Variants in SLC24A2 observed in about 807,000 individuals in gnomAD.
SLC24A2 encodes the protein solute carrier family 24 member 2.
SLC24A2 carries 36 observed loss-of-function variants against 62.0 expected under a neutral mutation model. The observed-to-expected ratio is 0.58, with a 90% CI of 0.44 to 0.77. The LOEUF is 0.77. SLC24A2 is among the 30% of genes least tolerant of loss of function. SLC24A2 has a pLI of 0.00. For missense variants in SLC24A2, 846 were observed against 817.9 expected, an observed-to-expected ratio of 1.03 and a Z score of -0.42; for synonymous variants, 358 against 294.0, an observed-to-expected ratio of 1.22 and a Z score of -2.23.
intron 4 of SLC24A2, among the ~76,000 whole-genome samples, chr9:19,614,773 G>T (rs964776804): frequency 6.6e-6 from 1 of 151,944 alleles, no homozygotes; most frequent in African/African-American, 2.4e-5. Context: ...GAGACCACAG[G>T]GGGAATCAGG....
the SLC24A2 span, among the ~76,000 whole-genome samples, chr9:20,249,432 G>A: frequency 9.2e-5 from 14 of 152,130 alleles, no homozygotes; most frequent in East Asian, 5.8e-4. Flanking sequence ...TGGGCCCAGC[G>A]CAGTGGGTCA....
At chr9:19,553,817 C>T (rs1186541962) in intron 7 of SLC24A2, among the ~76,000 whole-genome samples, 2 of 152,200 alleles carry the variant, frequency 1.3e-5, no homozygotes, top group African/African-American at 2.4e-5. Flanking sequence ...ACAGAAGATT[C>T]CAAAGAATTA....
chr9:19,716,637 T>C (rs373818293), intron 2 of SLC24A2, among the ~76,000 whole-genome samples: 2 of 152,210 alleles, frequency 1.3e-5, no homozygotes, highest in African/African-American at 4.8e-5. Context: ...AAGAGACTGC[T>C]GAGACCTAGA....
In SLC24A2 at chr9:19,513,188, A is replaced by ATATATATATATATATG. The variant is rs1231507740; in HGVS notation, c.*2964_*2965insCATATATATATATATA. On this transcript the variant is annotated 3_prime_UTR_variant, in exon 11 of 11. Coordinates refer to ENST00000341998, the MANE Select transcript of SLC24A2 (RefSeq NM_020344.4). Reference sequence around the variant, plus strand: ...TATATATATATATGTATATATATATATATGTATATATTTATATATGTATAT... The same window carrying ATATATATATATATATG: ...TATATATATATATGTATATATATATATATATATATATATATGTATGTATATATTTATATATGTATAT... The ATATATATATATATATG allele has an allele frequency of 4.7e-4, 66 of 140,364 alleles. No individual in the cohort carries two copies. Among genetic ancestry groups the ATATATATATATATATG allele is most frequent in the Non-Finnish European group, 8.4e-4 (55 of 65,732 alleles). 8.7% of individuals were successfully genotyped at this position (140,364 alleles called of 1,614,324 possible).
the SLC24A2 span, among the ~76,000 whole-genome samples, chr9:20,050,541 G>T: frequency 6.6e-6 from 1 of 152,176 alleles, no homozygotes; most frequent in African/African-American, 2.4e-5. Flanking sequence ...GAGACCTCAT[G>T]CTTATTATAT....
At chr9:20,164,947 A>C in the SLC24A2 span, among the ~76,000 whole-genome samples, 2 of 137,790 alleles carry the variant, frequency 1.5e-5, no homozygotes, top group African/African-American at 5.5e-5. Context: ...GAACACATGG[A>C]CACAGGAAGG....
At chr9:20,306,398 G>T in the SLC24A2 span, among the ~76,000 whole-genome samples, 2 of 152,246 alleles carry the variant, frequency 1.3e-5, no homozygotes, top group East Asian at 3.8e-4. Context: ...ACAGGCAAAT[G>T]TAAGATGCTG....
At position 19,670,261 on chromosome 9, in the gene SLC24A2, G is replaced by T. The variant is rs1819377352; in HGVS notation, c.931-47962C>A. Among the ~76,000 whole-genome samples the T allele has an allele frequency of 3.3e-5, 5 of 152,122 alleles. No homozygotes were observed. In the South Asian group the frequency reaches 1.0e-3, roughly 32 times the overall value. On this transcript the variant is annotated intron_variant, in intron 2 of 10. Coordinates refer to ENST00000341998, the MANE Select transcript of SLC24A2 (RefSeq NM_020344.4). Reference sequence around the variant, plus strand: ...ATGGGGAGACATGTTATCTCATCTAGCCTGGGTTATTCCTTATTAAGTTTT... The same window carrying T: ...ATGGGGAGACATGTTATCTCATCTATCCTGGGTTATTCCTTATTAAGTTTT...
Position 19,516,059 on chromosome 9 carries a change from G to T in SLC24A2, c.*94C>A, listed in dbSNP as rs993206833. On this transcript the variant is annotated 3_prime_UTR_variant, in exon 11 of 11. Coordinates refer to ENST00000341998, the MANE Select transcript of SLC24A2 (RefSeq NM_020344.4). ...AGGGACACTTGGCACCCAGGGCTGT[G>T]TGCCAGCTGCCTCTTCTCAAGAGGT... 12 of 1,501,748 alleles carry T rather than the reference G, an allele frequency of 8.0e-6. No individual in the cohort carries two copies. Among genetic ancestry groups the T allele is most frequent in the Non-Finnish European group, 1.0e-5 (11 of 1,079,260 alleles). The allele number at this position is 1,501,748 out of a possible 1,614,324, so 93.0% of individuals were successfully genotyped here. A position where few individuals can be genotyped will look rare whatever the true frequency, so the allele number is the denominator to read the frequency against.
chr9:19,548,817 A>G (rs1355067990), intron 8 of SLC24A2, among the ~76,000 whole-genome samples: 1 of 152,246 alleles, frequency 6.6e-6, no homozygotes, highest in East Asian at 1.9e-4. Flanking sequence ...GCCAAGGGCC[A>G]GCCCTGGGAT....
chr9:19,685,042 G>A (rs973224619), intron 2 of SLC24A2, among the ~76,000 whole-genome samples: 9 of 152,052 alleles, frequency 5.9e-5, no homozygotes, highest in African/African-American at 2.2e-4. Context: ...TAGCATTTCT[G>A]TATAAGTACT....
At chr9:19,680,461 C>T (rs1819687426) in intron 2 of SLC24A2, among the ~76,000 whole-genome samples, 1 of 152,064 alleles carries the variant, frequency 6.6e-6, no homozygotes, top group Non-Finnish European at 1.5e-5. Flanking sequence ...TTTGGGTCTG[C>T]CACAGCTCCT....
At chr9:20,228,504 G>A in the SLC24A2 span, among the ~76,000 whole-genome samples, 1 of 151,964 alleles carries the variant, frequency 6.6e-6, no homozygotes, top group Non-Finnish European at 1.5e-5. Context: ...CAACAAATAT[G>A]AAGATGGAAA....
At chr9:19,826,243 G>C in the SLC24A2 span, among the ~76,000 whole-genome samples, 8 of 146,074 alleles carry the variant, frequency 5.5e-5, no homozygotes, top group South Asian at 1.8e-3. Context: ...TTCATTAAAA[G>C]AAGAAAAGAT....
At chr9:19,883,531 G>A in the SLC24A2 span, among the ~76,000 whole-genome samples, 1 of 151,644 alleles carries the variant, frequency 6.6e-6, no homozygotes, top group Admixed American at 6.6e-5. Flanking sequence ...CATTTTGGGG[G>A]CTCAGTCTCC....
intron 8 of SLC24A2, among the ~76,000 whole-genome samples, chr9:19,547,030 C>T (rs536606560): frequency 9.9e-5 from 15 of 152,048 alleles, no homozygotes; most frequent in Admixed American, 3.9e-4. Flanking sequence ...CCTTCTGTGG[C>T]GATCTCGCTG....
the SLC24A2 span, among the ~76,000 whole-genome samples, chr9:20,104,270 A>T: frequency 6.6e-5 from 10 of 152,208 alleles, no homozygotes; most frequent in African/African-American, 2.4e-4. Flanking sequence ...GTTGGAAAAC[A>T]CTCTGCTAGA....
chr9:19,762,490 G>C (rs1822368045), intron 2 of SLC24A2, among the ~76,000 whole-genome samples: 1 of 152,152 alleles, frequency 6.6e-6, no homozygotes, highest in African/African-American at 2.4e-5. Context: ...TTTGTATAAA[G>C]TGTAAGGAAG....
At chr9:19,522,184 A>G (rs1459895686) in intron 9 of SLC24A2, among the ~76,000 whole-genome samples, 2 of 151,826 alleles carry the variant, frequency 1.3e-5, no homozygotes, top group African/African-American at 4.8e-5. Flanking sequence ...AGTTTTTTTT[A>G]GAGATGGTTC....
Sources: allele counts gnomAD v4.1 joint callset (sites outside exome capture counted in the v4.1 genomes callset), GRCh38; gene constraint gnomAD v4.1.1; transcripts MANE v1.5; gene names NCBI Gene and HGNC (gene_info 2026-07-23, HGNC 2026-07-21).